The following JCAD variants were observed in gnomAD, a reference collection of about 807,000 sequenced individuals.
JCAD encodes junctional cadherin 5 associated.
A neutral mutation model predicts 98.0 loss-of-function variants in JCAD; 40 were observed. That is an observed-to-expected ratio of 0.41 (90% CI 0.32 to 0.53). The LOEUF (loss-of-function observed/expected upper bound fraction) is 0.53. Among genes scored for constraint, JCAD ranks in the 20% least tolerant of loss-of-function variants. JCAD has a pLI of 0.31. For missense variants in JCAD, 1,705 were observed against 1,738.1 expected, an observed-to-expected ratio of 0.98 and a Z score of 0.34; for synonymous variants, 691 against 682.3, an observed-to-expected ratio of 1.01 and a Z score of -0.20.
chr10:30,100,995 A>T (rs112566479), intron 1 of JCAD, among the ~76,000 whole-genome samples: 4,014 of 152,334 alleles, frequency 0.026, 156 homozygotes, highest in African/African-American at 0.087. Context: ...TATTATCAAT[A>T]AAAAGGAATG....
At chr10:30,083,968 A>T (rs1838126588) in intron 1 of JCAD, among the ~76,000 whole-genome samples, 1 of 151,730 alleles carries the variant, frequency 6.6e-6, no homozygotes, top group Admixed American at 6.6e-5. Flanking sequence ...GCTGCAGTGA[A>T]GTATGATCTT....
Position 30,031,421 on chromosome 10 carries a change from A to G in JCAD, c.282-1555T>C, listed in dbSNP as rs1267763109. Reference sequence around the variant, plus strand: ...GTTGGGATTACAGACATGAAGCACCATGCCTGGCCCATCTGTATTTTTTTT... The same window carrying G: ...GTTGGGATTACAGACATGAAGCACCGTGCCTGGCCCATCTGTATTTTTTTT... On this transcript the variant is annotated intron_variant, in intron 2 of 3. Coordinates refer to ENST00000375377, the MANE Select transcript of JCAD (RefSeq NM_020848.4). 2.0e-5 allele frequency among the ~76,000 whole-genome samples: 3 copies of G among 146,414 alleles called. No homozygotes were observed. In the East Asian group the frequency reaches 6.0e-4, roughly 29 times the overall value.
At position 30,048,571 on chromosome 10, in the gene JCAD, C is replaced by CT. The variant is rs11360517; in HGVS notation, c.-59-701dup. Among the ~76,000 whole-genome samples, 720 of 147,108 alleles carry CT rather than the reference C, an allele frequency of 4.9e-3. 10 individuals are homozygous for CT. In the South Asian group the frequency reaches 0.052, roughly 11 times the overall value. On this transcript the variant is annotated intron_variant, in intron 1 of 3. Transcript: ENST00000375377. ...AGAGTTCTCTTTTCCTTATGAAAGTCTTTTTTTTTTTGAGATAGAGTTTCA... is the reference window on the plus strand; with the variant it reads ...AGAGTTCTCTTTTCCTTATGAAAGTCTTTTTTTTTTTTGAGATAGAGTTTCA...
At chr10:30,074,392 A>C (rs1837945073) in intron 1 of JCAD, among the ~76,000 whole-genome samples, 1 of 152,192 alleles carries the variant, frequency 6.6e-6, no homozygotes, top group Admixed American at 6.5e-5. Flanking sequence ...CAACCTGGCT[A>C]TCTGGGCCTG....
chr10:30,064,366 G>A (rs915953642), upstream of JCAD, among the ~76,000 whole-genome samples: 6 of 152,076 alleles, frequency 3.9e-5, no homozygotes, highest in East Asian at 1.9e-4. Flanking sequence ...TGATGCAGCC[G>A]CTTGACCTTG....
chr10:30,098,776 A>G (rs1313278593), intron 1 of JCAD, among the ~76,000 whole-genome samples: 9 of 152,210 alleles, frequency 5.9e-5, no homozygotes, highest in South Asian at 2.1e-4. Flanking sequence ...ATAACTTATT[A>G]TCATGAAATC....
intron 1 of JCAD, among the ~76,000 whole-genome samples, chr10:30,104,175 T>C (rs756414170): frequency 6.6e-6 from 1 of 152,178 alleles, no homozygotes; most frequent in Non-Finnish European, 1.5e-5. Context: ...GGAGCGTAAG[T>C]CCTGAGAGGG....
intron 1 of JCAD, among the ~76,000 whole-genome samples, chr10:30,088,027 G>A (rs1448377459): frequency 6.6e-6 from 1 of 152,218 alleles, no homozygotes; most frequent in Non-Finnish European, 1.5e-5. Flanking sequence ...TTTTAGTAGA[G>A]ACAGGGTTTC....
intron 1 of JCAD, among the ~76,000 whole-genome samples, chr10:30,077,478 T>C (rs558608692): frequency 1.3e-5 from 2 of 152,282 alleles, no homozygotes; most frequent in South Asian, 4.1e-4. Flanking sequence ...AAGTATACGT[T>C]TCAGTGGCAT....
At chr10:30,060,264 A>C (rs1040715830), upstream of JCAD, among the ~76,000 whole-genome samples, 11 of 152,096 alleles carry the variant, frequency 7.2e-5, no homozygotes, top group African/African-American at 2.7e-4. Flanking sequence ...GCTGGCCCAT[A>C]CTCTCCTGTG....
intron 1 of JCAD, among the ~76,000 whole-genome samples, chr10:30,107,739 C>G (rs1013628274): frequency 7.2e-5 from 11 of 152,086 alleles, no homozygotes; most frequent in African/African-American, 2.7e-4. Context: ...GATTGGGACC[C>G]CTTTCAAGTA....
rs1231454987 is a variant in JCAD, at chr10:30,017,934, G to A, written c.4046-17C>T. 3 of 1,604,398 alleles carry A rather than the reference G, an allele frequency of 1.9e-6. No homozygotes were observed. Among genetic ancestry groups the A allele is most frequent in the South Asian group, 1.1e-5 (1 of 89,876 alleles). On this transcript the variant is annotated splice_polypyrimidine_tract_variant and intron_variant, in intron 3 of 3. Transcript: ENST00000375377. ...CATAGGAATCTGTAAAATAAGAAAA[G>A]AAAAGAAAATTAGTGTTATATTCAA...
intron 1 of JCAD, among the ~76,000 whole-genome samples, chr10:30,104,241 A>T (rs1838525541): frequency 1.3e-5 from 2 of 152,174 alleles, no homozygotes; most frequent in African/African-American, 2.4e-5. Flanking sequence ...ATGCTGTGTT[A>T]AGGGAGTTTG....
intron 1 of JCAD, among the ~76,000 whole-genome samples, chr10:30,101,948 G>C (rs920204557): frequency 6.6e-6 from 1 of 152,138 alleles, no homozygotes; most frequent in African/African-American, 2.4e-5. Context: ...GACCTCAGGG[G>C]TGGGACTGAA....
chr10:30,099,419 TTTTCTC>T (rs1838432486), intron 1 of JCAD, among the ~76,000 whole-genome samples: 1 of 152,144 alleles, frequency 6.6e-6, no homozygotes, highest in South Asian at 2.1e-4. Context: ...AGTTAAATAA[TTTTCTC>T]TTTCTAATAG....
rs189446530 is a variant in JCAD at position 30,074,850 on chromosome 10, T to C, written n.129-5029A>G. On this transcript the variant is annotated intron_variant and non_coding_transcript_variant, in intron 1 of 2. Transcript: ENST00000465712. ...CTCTCTCACCCAGGCTGGACTGCCA[T>C]GGCACCATCTTAGCTCACTGCAGCC... Among the ~76,000 whole-genome samples the C allele has an allele frequency of 3.6e-3, 541 of 152,292 alleles. 2 individuals carry two copies. The highest frequency in any genetic ancestry group is 0.011 in the African/African-American group (464 of 41,566).
At chr10:30,048,716 C>T (rs1837407790) in intron 1 of JCAD, among the ~76,000 whole-genome samples, 1 of 152,132 alleles carries the variant, frequency 6.6e-6, no homozygotes, top group South Asian at 2.1e-4. Context: ...CAGGCATATG[C>T]CACCACGCCT....
In JCAD at chr10:30,059,567, C is replaced by G. The variant is rs1415857725; in HGVS notation, c.-145G>C. 7.1e-6 allele frequency: 1 copy of G among 141,282 alleles called. No individual in the cohort carries two copies. The highest frequency in any genetic ancestry group is 1.9e-4 in the South Asian group (1 of 5,364). 8.8% of individuals were successfully genotyped at this position (141,282 alleles called of 1,614,324 possible). A position where few individuals can be genotyped will look rare whatever the true frequency, so the allele number is the denominator to read the frequency against. ...CAGCGCGACCCGCCCCGCCTGCAGC[C>G]GCCGAGGCCGAGCATGCCCGGAGAA... On this transcript the variant is annotated 5_prime_UTR_variant, in exon 1 of 4. Coordinates refer to ENST00000375377, the MANE Select transcript of JCAD (RefSeq NM_020848.4). The surrounding 1 kb of genome is among the most constrained non-coding windows in gnomAD (Gnocchi z 5.0).
chr10:30,078,515 C>G (rs1341860103), intron 1 of JCAD, among the ~76,000 whole-genome samples: 2 of 152,142 alleles, frequency 1.3e-5, no homozygotes, highest in Non-Finnish European at 2.9e-5. Flanking sequence ...AGTAGCTGCT[C>G]TAATGGCTGA....
Sources: gnomAD v4.1 joint callset for allele counts (sites outside exome capture counted in the v4.1 genomes callset) on GRCh38, gnomAD v4.1.1 for gene constraint, Gnocchi (gnomAD v3.1) non-coding constraint, MANE v1.5 for transcripts, NCBI Gene and HGNC (gene_info 2026-07-23, HGNC 2026-07-21) for gene names.